Variants in GEN1 observed in about 807,000 individuals in gnomAD.
The protein encoded by GEN1 is GEN1 structure-specific endonuclease.
GEN1 carries 64 observed loss-of-function variants against 67.6 expected under a neutral mutation model. The observed-to-expected ratio is 0.95, with a 90% CI of 0.77 to 1.17. GEN1 has a LOEUF of 1.17. Ranked by LOEUF, GEN1 falls within the 50% of genes most tolerant of loss-of-function variation. GEN1 has a pLI of 0.00. For synonymous variants in GEN1, 371 were observed against 359.4 expected (o/e 1.03, Z -0.37); for missense variants, 1,058 against 1,048.3 (o/e 1.01, Z -0.13).
chr2:17,759,834 A>G, intron 1 of GEN1, 95 bp from the exon 2 acceptor site: 2 of 1,052,668 alleles, frequency 1.9e-6, no homozygotes, highest in Non-Finnish European at 1.4e-6. Context: ...TCCTCTATGA[A>G]TTATCCTGAA....
Position 17,775,213 on chromosome 2 carries a change from G to A in GEN1, c.1202+812G>A, listed in dbSNP as rs1328350795. Among the ~76,000 whole-genome samples the A allele has an allele frequency of 2.6e-5, 4 of 152,154 alleles. No individual in the cohort carries two copies. The East Asian group carries it at 5.8e-4, about 22-fold the overall frequency. Reference sequence around the variant, plus strand: ...CAACAGAAGGCAAAATTATAAAAATGTGTGTAAATGGATGGATATAAAAAG... The same window carrying A: ...CAACAGAAGGCAAAATTATAAAAATATGTGTAAATGGATGGATATAAAAAG... On this transcript the variant is annotated intron_variant, in intron 11 of 13. Coordinates refer to ENST00000381254, the MANE Select transcript of GEN1 (RefSeq NM_001130009.3).
chr2:17,768,871 C>A (rs1285704529), intron 6 of GEN1, 60 bp downstream of exon 6: 2 of 1,024,566 alleles, frequency 2.0e-6, no homozygotes, highest in African/African-American at 1.6e-5. Flanking sequence ...AACTTAATAA[C>A]GAATAGTACA....
rs1231945132 is a variant in GEN1 at position 17,773,314 on chromosome 2, ATTC to A, written c.1071+21_1071+23del. On this transcript the variant is annotated intron_variant, in intron 10 of 13. Coordinates refer to ENST00000381254, the MANE Select transcript of GEN1 (RefSeq NM_001130009.3). ...TATTGTTTCAGGTATCTGAAAATAA[ATTC>A]TTCTTTACTGTATGAAGTTATATGC... 1.4e-6 allele frequency: 2 copies of A among 1,477,574 alleles called. No individual in the cohort carries two copies. The highest frequency in any genetic ancestry group is 1.4e-5 in the African/African-American group (1 of 71,694). The allele number at this position is 1,477,574 out of a possible 1,614,324, so 91.5% of individuals were successfully genotyped here.
rs969651428 is a variant in GEN1, at chr2:17,774,304, C to G, written c.1105C>G (p.His369Asp). 2 of 1,587,770 alleles carry G rather than the reference C, an allele frequency of 1.3e-6. No individual in the cohort carries two copies. Among genetic ancestry groups the G allele is most frequent in the Non-Finnish European group, 1.7e-6 (2 of 1,161,020 alleles). The change falls in exon 11 of 14, where the codon CAC becomes GAC. Residue 369 changes from histidine (H) to aspartate (D), a missense_variant. Physicochemically the swap from His to Asp is moderately conservative, Grantham distance 81 (BLOSUM62 -1). Coordinates refer to ENST00000381254, the MANE Select transcript of GEN1 (RefSeq NM_001130009.3). ...FTLEKMEWPN[H>D]YACEKLLVLL... The stretch of plus-strand genomic sequence containing the variant: ...TCTTGAAAAAATGGAGTGGCCCAAT[C>G]ACTATGCATGTGAGAAATTGCTGGT...
At chr2:17,768,616 T>C in intron 5 of GEN1, 122 bp from the exon 6 acceptor site, 5 of 676,790 alleles carry the variant, frequency 7.4e-6, no homozygotes, top group African/African-American at 1.8e-5. Flanking sequence ...GCATATCTTT[T>C]CCTATCTTTA....
Position 17,780,820 on chromosome 2 carries a change from A to ATG in GEN1, c.1610_1611dup (p.Leu538ValfsTer2), listed in dbSNP as rs755967914. On this transcript the variant is annotated frameshift_variant, in exon 14 of 14. Transcript: ENST00000381254. LOFTEE classifies it low-confidence loss of function (END_TRUNC). ...GCTTGCTTTTACCTAAAAATACTCC[A>ATG]TGTTTGAATGCACAAGAACAGTTCA... The ATG allele has an allele frequency of 5.6e-6, 9 of 1,613,958 alleles. No individual in the cohort carries two copies. In the South Asian group the frequency reaches 8.8e-5, roughly 16 times the overall value.
rs537840953 is a variant in GEN1 at position 17,786,694 on chromosome 2, CAG to C, written c.*4760_*4761del. ...TCAGTTCTTGACTCAAATATCACCT[CAG>C]AGAGTCCTAATCTTTTTATCTCCTG... On this transcript the variant is annotated 3_prime_UTR_variant, in exon 14 of 14. Transcript: ENST00000381254. 6.6e-6 allele frequency: 1 copy of C among 152,130 alleles called. No individual in the cohort carries two copies. The highest frequency in any genetic ancestry group is 2.4e-5 in the African/African-American group (1 of 41,430). 9.4% of individuals were successfully genotyped at this position (152,130 alleles called of 1,614,324 possible).
At chr2:17,777,495 G>A (rs2615048) in intron 11 of GEN1, among the ~76,000 whole-genome samples, 36,996 of 151,992 alleles carry the variant, frequency 0.24, 6,259 homozygotes, top group East Asian at 0.86. Context: ...CAAAGAAAAA[G>A]CTGGTGACAG....
At chr2:17,776,628 G>A (rs1672446616) in intron 11 of GEN1, among the ~76,000 whole-genome samples, 1 of 152,148 alleles carries the variant, frequency 6.6e-6, no homozygotes, top group Non-Finnish European at 1.5e-5. Context: ...ACAGTTTGCT[G>A]GGAAGTATAA....
intron 7 of GEN1, 62 bp downstream of exon 7, chr2:17,771,349 T>C (rs1672182023): frequency 2.1e-6 from 2 of 968,052 alleles, no homozygotes; most frequent in Non-Finnish European, 3.3e-6. Context: ...CTTGTTCACA[T>C]AGTACTTTTT....
chr2:17,782,758 CCTG>C lies in GEN1; in HGVS notation c.*822_*824del, dbSNP rs1380802329. On this transcript the variant is annotated 3_prime_UTR_variant, in exon 14 of 14. Coordinates refer to ENST00000381254, the MANE Select transcript of GEN1 (RefSeq NM_001130009.3). ...AATCCTGTGGGAATCAGTTTTCTTG[CCTG>C]CTAATTTTTTTATTTTTCTATTTTT... 5.9e-5 allele frequency: 9 copies of C among 152,116 alleles called. No individual in the cohort carries two copies. Among genetic ancestry groups the C allele is most frequent in the African/African-American group, 1.7e-4 (7 of 41,418 alleles). 9.4% of individuals were successfully genotyped at this position (152,116 alleles called of 1,614,324 possible).
Position 17,778,003 on chromosome 2 carries a change from ATTG to A in GEN1, c.1207_1209del (p.Val403del). 6.4e-7 allele frequency: 1 copy of A among 1,565,608 alleles called. No individual in the cohort carries two copies. The highest frequency in any genetic ancestry group is 8.8e-7 in the Non-Finnish European group (1 of 1,138,158). ...TCATTAAATGAATTTGTTTTTCAGAATTGTTAAGACTCGAATCAGAAATGGAGT... is the reference window on the plus strand; with the variant it reads ...TCATTAAATGAATTTGTTTTTCAGAATTAAGACTCGAATCAGAAATGGAGT... On this transcript the variant is annotated inframe_deletion and splice_region_variant, in exon 12 of 14. Transcript: ENST00000381254.
chr2:17,776,989 G>C (rs982375834), intron 11 of GEN1, among the ~76,000 whole-genome samples: 1 of 152,116 alleles, frequency 6.6e-6, no homozygotes, highest in Non-Finnish European at 1.5e-5. Context: ...AGCTGGACCT[G>C]GTGGTACATG....
chr2:17,753,658 G>C (rs1179855623), upstream of GEN1: 1 of 152,244 alleles, frequency 6.6e-6, no homozygotes, highest in Non-Finnish European at 1.5e-5. Flanking sequence ...AAAGGAACCT[G>C]ATCGGCGGGG....
At chr2:17,767,385 C>T (rs909794435) in intron 5 of GEN1, among the ~76,000 whole-genome samples, 5 of 151,990 alleles carry the variant, frequency 3.3e-5, no homozygotes, top group Non-Finnish European at 7.4e-5. Context: ...GTCATTTTAC[C>T]TCTATTCCCA....
chr2:17,780,699 CAT>C lies in GEN1; in HGVS notation c.1488_1489del (p.Cys497Ter), dbSNP rs1252918205. On this transcript the variant is annotated frameshift_variant, in exon 14 of 14. Coordinates refer to ENST00000381254, the MANE Select transcript of GEN1 (RefSeq NM_001130009.3). LOFTEE classifies it low-confidence loss of function (END_TRUNC). ...CAGTCACACATGACTTTAAAACCCA[CAT>C]GTGAAATCTTTCATAAGCAGAATTC... 2.5e-6 allele frequency: 4 copies of C among 1,613,864 alleles called. No homozygotes were observed. Among genetic ancestry groups the C allele is most frequent in the Non-Finnish European group, 3.4e-6 (4 of 1,179,852 alleles).
intron 12 of GEN1, among the ~76,000 whole-genome samples, chr2:17,779,634 T>C (rs1288080327): frequency 1.3e-5 from 2 of 151,944 alleles, no homozygotes; most frequent in Admixed American, 6.6e-5. Context: ...GGAGTTTTGC[T>C]CTTGTTGCCC....
At chr2:17,771,002 T>A in intron 6 of GEN1, 194 bp from the exon 7 acceptor site, 1 of 646,384 alleles carries the variant, frequency 1.5e-6, no homozygotes, top group South Asian at 1.5e-5. Context: ...GCAGTTCTGC[T>A]GTCCTTGGGC....
rs1558413706 is a variant in GEN1 at position 17,781,373 on chromosome 2, A to G, written c.2161A>G (p.Lys721Glu). Residue 721 changes from lysine (K) to glutamate (E), a missense_variant, in exon 14 of 14, where the codon AAG (lysine) becomes GAG (glutamate). Lys to Glu is a moderately conservative substitution (Grantham distance 56). Transcript: ENST00000381254. ...TTCTGATTGTACATCACATCTTTCA[A>G]AGGATCTTCCAGGAATTCCCTTGCA... is the stretch of plus-strand genomic sequence containing the variant. ...SGSDCTSHLSKDLPGIPLQNE... is the reference protein window; with the variant it reads ...SGSDCTSHLSEDLPGIPLQNE... 6.2e-7 allele frequency: 1 copy of G among 1,613,922 alleles called. No individual in the cohort carries two copies. Among genetic ancestry groups the G allele is most frequent in the Non-Finnish European group, 8.5e-7 (1 of 1,179,918 alleles).
Sources: gnomAD v4.1 joint callset for allele counts (sites outside exome capture counted in the v4.1 genomes callset) on GRCh38, gnomAD v4.1.1 for gene constraint, MANE v1.5 for transcripts, NCBI Gene and HGNC (gene_info 2026-07-23, HGNC 2026-07-21) for gene names.